The following KDSR variants were observed in gnomAD, a reference collection of about 807,000 sequenced individuals.
KDSR encodes the protein 3-dehydrosphinganine reductase.
KDSR carries 23 observed loss-of-function variants against 41.3 expected under a neutral mutation model. The ratio of observed to expected loss-of-function variants is 0.56; its 90% CI spans 0.40 to 0.79. KDSR has a LOEUF of 0.79. Ranked by LOEUF, KDSR falls within the 30% of genes least tolerant of loss-of-function variation. The pLI is 0.00. For missense variants in KDSR, 351 were observed against 416.8 expected (o/e 0.84, Z 1.37); for synonymous variants, 138 against 151.7 (o/e 0.91, Z 0.66).
At chr18:63,357,098 A>C (rs1914817308) in intron 3 of KDSR, among the ~76,000 whole-genome samples, 1 of 152,244 alleles carries the variant, frequency 6.6e-6, no homozygotes, top group African/African-American at 2.4e-5. Context: ...AAAGATCTCT[A>C]ACATTCTAGA....
intron 7 of KDSR, among the ~76,000 whole-genome samples, chr18:63,343,491 T>A (rs1310472627): frequency 2.0e-5 from 3 of 150,656 alleles, no homozygotes; most frequent in African/African-American, 2.4e-5. Context: ...CTGGCTCAAA[T>A]GATCCTCCCA....
intron 3 of KDSR, among the ~76,000 whole-genome samples, chr18:63,358,340 G>T (rs1443422161): frequency 6.6e-6 from 1 of 152,210 alleles, no homozygotes; most frequent in African/African-American, 2.4e-5. Context: ...AATACACATG[G>T]AGATTCTTCA....
rs1041712635 is a variant in KDSR at position 63,335,475 on chromosome 18, A to C, written c.778-117T>G. 5.6e-6 allele frequency: 4 copies of C among 714,322 alleles called. No individual in the cohort carries two copies. The Admixed American group carries it at 9.1e-5, about 16-fold the overall frequency. 44.2% of individuals were successfully genotyped at this position (714,322 alleles called of 1,614,324 possible). A position where few individuals can be genotyped will look rare whatever the true frequency, so the allele number is the denominator to read the frequency against. ...TCACTTTAAGTGAGATAAAATGGTC[A>C]CAAAGCATTGATCAGCACTCAGAAA... On this transcript the variant is annotated intron_variant, in intron 8 of 9. Transcript: ENST00000645214.
chr18:63,355,047 T>G (rs1237057741), intron 5 of KDSR, among the ~76,000 whole-genome samples, 157 bp downstream of exon 5: 1 of 152,230 alleles, frequency 6.6e-6, no homozygotes, highest in Non-Finnish European at 1.5e-5. Flanking sequence ...GATGAAAACC[T>G]TGTTCAGCTT....
intron 9 of KDSR, among the ~76,000 whole-genome samples, chr18:63,334,318 T>C (rs1435563519): frequency 6.6e-6 from 1 of 152,168 alleles, no homozygotes; most frequent in Admixed American, 6.5e-5. Flanking sequence ...ATTCCCTCTA[T>C]TGTAACCCCT....
At chr18:63,339,162 G>C (rs868174746) in intron 7 of KDSR, among the ~76,000 whole-genome samples, 1 of 152,220 alleles carries the variant, frequency 6.6e-6, no homozygotes, top group Admixed American at 6.5e-5. Flanking sequence ...GCTAGAGTGA[G>C]AACACATCAC....
At chr18:63,361,231 AAAAAAAG>A (rs1914977250) in intron 2 of KDSR, among the ~76,000 whole-genome samples, 1 of 140,300 alleles carries the variant, frequency 7.1e-6, no homozygotes. Flanking sequence ...AAAAAAAAAA[AAAAAAAG>A]AATGAATTAC....
chr18:63,331,960 C>T, intron 9 of KDSR, 59 bp from the exon 10 acceptor site: 1 of 1,559,262 alleles, frequency 6.4e-7, no homozygotes, highest in Middle Eastern at 1.7e-4. Flanking sequence ...TTTCAAGGTA[C>T]CTAGGTCTCT....
intron 9 of KDSR, among the ~76,000 whole-genome samples, chr18:63,333,035 A>G (rs1009465333): frequency 1.3e-5 from 2 of 151,974 alleles, no homozygotes; most frequent in African/African-American, 2.4e-5. Flanking sequence ...AAGAGCCTGG[A>G]AAGGTACGTG....
At chr18:63,361,771 T>C (rs1224493852) in intron 2 of KDSR, among the ~76,000 whole-genome samples, 2 of 152,038 alleles carry the variant, frequency 1.3e-5, no homozygotes, top group Admixed American at 6.6e-5. Flanking sequence ...GCCGAGATCA[T>C]GCCACTGCAC....
chr18:63,366,453 G>C (rs1915139346), intron 1 of KDSR: 1 of 152,890 alleles, frequency 6.5e-6, no homozygotes, highest in South Asian at 2.1e-4. Context: ...GTTTCCCCAG[G>C]TGAGTCACTT....
chr18:63,337,265 G>GCA (rs1334055781), intron 8 of KDSR, among the ~76,000 whole-genome samples: 4 of 151,874 alleles, frequency 2.6e-5, no homozygotes, highest in African/African-American at 9.7e-5. Flanking sequence ...ACAGGCGCAT[G>GCA]TCACCACACC....
chr18:63,335,668 G>A (rs1378631492), intron 8 of KDSR: 2 of 210,132 alleles, frequency 9.5e-6, no homozygotes, highest in Admixed American at 1.1e-4. Flanking sequence ...GCAGAGACAT[G>A]GGCAAGAACC....
intron 3 of KDSR, among the ~76,000 whole-genome samples, chr18:63,359,289 G>C (rs1486531232): frequency 6.6e-6 from 1 of 151,838 alleles, no homozygotes; most frequent in Non-Finnish European, 1.5e-5. Flanking sequence ...AGAGGGACAA[G>C]GCTGCTGTGG....
At chr18:63,357,410 A>C (rs1914825802) in intron 3 of KDSR, among the ~76,000 whole-genome samples, 1 of 151,710 alleles carries the variant, frequency 6.6e-6, no homozygotes, top group South Asian at 2.1e-4. Context: ...CTAAATATCC[A>C]CCAATTGCTG....
intron 1 of KDSR, chr18:63,366,802 G>A (rs986776783): frequency 2.6e-6 from 1 of 387,648 alleles, no homozygotes; most frequent in African/African-American, 2.1e-5. Flanking sequence ...CCTAGGAGGA[G>A]CCCGAGGCTG....
At chr18:63,362,712 G>A (rs1915023896) in intron 2 of KDSR, 67 bp downstream of exon 2, 1 of 1,075,542 alleles carries the variant, frequency 9.3e-7, no homozygotes, top group African/African-American at 1.6e-5. Context: ...AAGATGTTTA[G>A]CACAGCCTCT....
rs1913928052 is a variant in KDSR, at chr18:63,329,981, A to T, written c.*1801T>A. On this transcript the variant is annotated 3_prime_UTR_variant, in exon 10 of 10. Coordinates refer to ENST00000645214, the MANE Select transcript of KDSR (RefSeq NM_002035.4). The stretch of plus-strand genomic sequence containing the variant: ...GATTTATGAAACCATTCTGGCATCA[A>T]CCCATCCTTACAAGCTGCAATGAAA... 2 of 188,962 alleles carry T rather than the reference A, an allele frequency of 1.1e-5. No homozygotes were observed. The highest frequency in any genetic ancestry group is 2.3e-5 in the African/African-American group (1 of 42,868). The allele number at this position is 188,962 out of a possible 1,614,324, so 11.7% of individuals were successfully genotyped here. A position where few individuals can be genotyped will look rare whatever the true frequency, so the allele number is the denominator to read the frequency against.
chr18:63,353,214 A>G (rs963963072), intron 5 of KDSR, among the ~76,000 whole-genome samples: 3 of 152,062 alleles, frequency 2.0e-5, no homozygotes, highest in African/African-American at 7.2e-5. Flanking sequence ...AGAATATCTG[A>G]AAAAAGACGT....
Sources: gnomAD v4.1 joint callset for allele counts (sites outside exome capture counted in the v4.1 genomes callset) on GRCh38, gnomAD v4.1.1 for gene constraint, MANE v1.5 for transcripts, NCBI Gene and HGNC (gene_info 2026-07-23, HGNC 2026-07-21) for gene names.